The following NUMA1 variants were observed in gnomAD, a reference collection of about 807,000 sequenced individuals.
NUMA1 encodes the protein nuclear mitotic apparatus protein 1.
Under a neutral mutation model 237.1 loss-of-function variants are expected in NUMA1, and 62 were observed. The observed-to-expected ratio is 0.26, with a 90% CI of 0.21 to 0.32. The LOEUF is 0.32. Among genes scored for constraint, NUMA1 ranks in the 10% least tolerant of loss-of-function variants. NUMA1 has a pLI of 1.00. For synonymous variants in NUMA1, 1,028 were observed against 1,066.1 expected, an observed-to-expected ratio of 0.96 and a Z score of 0.70; for missense variants, 2,533 against 2,666.5, an observed-to-expected ratio of 0.95 and a Z score of 1.10.
At chr11:72,026,778 T>G (rs975643212) in intron 4 of NUMA1, among the ~76,000 whole-genome samples, 2 of 152,336 alleles carry the variant, frequency 1.3e-5, no homozygotes, top group East Asian at 1.9e-4. Flanking sequence ...TGCTGAGAAC[T>G]AGGCTGCTGA....
chr11:72,022,467 T>A, intron 6 of NUMA1, 48 bp from the exon 7 acceptor site: 1 of 1,332,690 alleles, frequency 7.5e-7, no homozygotes, highest in Non-Finnish European at 1.1e-6. Context: ...GTCTCTCTTC[T>A]CAGTGCCCCC....
Position 72,021,288 on chromosome 11 carries a change from C to T in NUMA1, c.376G>A (p.Glu126Lys), listed in dbSNP as rs1474903534. The T allele has an allele frequency of 2.5e-6, 4 of 1,614,008 alleles. No homozygotes were observed. Among genetic ancestry groups the T allele is most frequent in the Non-Finnish European group, 8.5e-7 (1 of 1,179,982 alleles). ...WEQFEYKIQA[E>K]LAVILKFVLD... is the part of the protein sequence containing the mutation. ...ACAAATTTAAGAATGACAGCCAACT[C>T]AGCCTGGGCCACAGGGAGAAAAAGA... is the stretch of plus-strand genomic sequence containing the variant. The change falls in exon 8 of 27, where the codon GAG becomes AAG. Residue 126 changes from glutamate (E) to lysine (K), a missense_variant. By Grantham distance (56) the Glu-to-Lys change is moderately conservative. Coordinates refer to ENST00000393695, the MANE Select transcript of NUMA1 (RefSeq NM_006185.4).
chr11:72,019,768 C>G, intron 8 of NUMA1, 151 bp from the exon 9 acceptor site: 1 of 817,810 alleles, frequency 1.2e-6, no homozygotes, highest in East Asian at 3.2e-5. Flanking sequence ...TGGGCAGAAC[C>G]TGAAACCTGG....
chr11:72,022,362 C>T lies in NUMA1; in HGVS notation c.349G>A (p.Glu117Lys). ...ACCTGAATTTTATATTCAAACTGTT[C>T]CCAGTCCCTGGGACTTTTGGAGCTC... ...TMSSKSPRDWEQFEYKIQAEL... is the reference protein window; with the variant it reads ...TMSSKSPRDWKQFEYKIQAEL... Residue 117 changes from glutamate to lysine, a missense_variant, in exon 7 of 27, where the codon GAA becomes AAA. Physicochemically the swap from Glu to Lys is moderately conservative, Grantham distance 56. Around this residue, in one of 3 missense-constraint regions of NUMA1, gnomAD observed 1,414 missense variants for 1,508.1 expected, o/e 0.94. Coordinates refer to ENST00000393695, the MANE Select transcript of NUMA1 (RefSeq NM_006185.4). The T allele has an allele frequency of 3.1e-6, 5 of 1,613,612 alleles. No individual in the cohort carries two copies. Among genetic ancestry groups the T allele is most frequent in the Non-Finnish European group, 4.2e-6 (5 of 1,179,724 alleles).
At chr11:72,055,977 C>T (rs1942615210) in intron 2 of NUMA1, among the ~76,000 whole-genome samples, 1 of 146,458 alleles carries the variant, frequency 6.8e-6, no homozygotes, top group Non-Finnish European at 1.5e-5. Flanking sequence ...CACACACACA[C>T]ACACACACAC....
chr11:72,055,124 A>G (rs537245397), intron 2 of NUMA1, among the ~76,000 whole-genome samples: 1 of 152,298 alleles, frequency 6.6e-6, no homozygotes, highest in African/African-American at 2.4e-5. Context: ...GGTGATAAAG[A>G]GAATAGATTT....
At chr11:72,074,132 T>C (rs1237124809) in intron 1 of NUMA1, among the ~76,000 whole-genome samples, 1 of 151,250 alleles carries the variant, frequency 6.6e-6, no homozygotes, top group Non-Finnish European at 1.5e-5. Flanking sequence ...AGGCAGAGGT[T>C]GCAGTGAGCC....
At chr11:72,006,982 G>C (rs1197318960) in intron 21 of NUMA1, among the ~76,000 whole-genome samples, 1 of 152,232 alleles carries the variant, frequency 6.6e-6, no homozygotes, top group Non-Finnish European at 1.5e-5. Context: ...CCTTAGTCAG[G>C]AGGCAGGGAT....
Position 72,005,360 on chromosome 11 carries a change from C to G in NUMA1, c.5702G>C (p.Ser1901Thr), listed in dbSNP as rs140479977. 6 of 1,605,304 alleles carry G rather than the reference C, an allele frequency of 3.7e-6. No individual in the cohort carries two copies. The highest frequency in any genetic ancestry group is 5.1e-6 in the Non-Finnish European group (6 of 1,176,330). The change falls in exon 23 of 27, where the codon AGC becomes ACC. Residue 1901 changes from serine to threonine, a missense_variant. Coordinates refer to ENST00000393695, the MANE Select transcript of NUMA1 (RefSeq NM_006185.4). ...ATCCTGGCAAGTGCCCATGTAGAAG[C>G]TGTTCCTTCCTGTGGAAGGCAGGGA... ...VSSGAPPGRN[S>T]FYMGTCQDEP...
Position 72,005,310 on chromosome 11 carries a change from T to G in NUMA1, c.5752A>C (p.Asn1918His). The G allele has an allele frequency of 6.2e-7, 1 of 1,608,358 alleles. No homozygotes were observed. Among genetic ancestry groups the G allele is most frequent in the Non-Finnish European group, 8.5e-7 (1 of 1,177,414 alleles). Residue 1918 changes from asparagine to histidine, a missense_variant, in exon 23 of 27, where the codon AAC becomes CAC. Coordinates refer to ENST00000393695, the MANE Select transcript of NUMA1 (RefSeq NM_006185.4). ...QDEPEQLDDW[N>H]RIAELQQRNR... ...CGCTGCTGCAGCTCTGCAATGCGGT[T>G]CCAGTCATCCAGCTGCTCAGGCTCA...
intron 1 of NUMA1, among the ~76,000 whole-genome samples, chr11:72,078,528 A>G (rs1471159109): frequency 1.3e-5 from 2 of 152,256 alleles, no homozygotes; most frequent in Non-Finnish European, 2.9e-5. Context: ...CTAGAATTCA[A>G]GTCTTATTTC....
rs902961047 is a variant in NUMA1, at chr11:72,014,455, G to T, written c.3048C>A (p.Ala1016=). 2 of 1,604,726 alleles carry T rather than the reference G, an allele frequency of 1.2e-6. No homozygotes were observed. Residue 1016 remains alanine (A), a synonymous_variant, in exon 15 of 27, where the codon GCC becomes GCA. Transcript: ENST00000393695. The surrounding 1 kb of genome is among the most constrained non-coding windows in gnomAD (Gnocchi z 4.6). The stretch of plus-strand genomic sequence containing the variant: ...CCTTCTCCAGGGCAAGGTCAGCCTG[G>T]GCACGGCCCCGCTCCTGGGTCAGCC... The part of the protein sequence containing the change: ...VARLTQERGR[A]QADLALEKAA...
chr11:72,004,085 C>T lies in NUMA1; in HGVS notation c.6138G>A (p.Gln2046=). 6.2e-7 allele frequency: 1 copy of T among 1,613,098 alleles called. No homozygotes were observed. The highest frequency in any genetic ancestry group is 8.5e-7 in the Non-Finnish European group (1 of 1,179,688). Reference sequence around the variant, plus strand: ...TGTTGAGGATGCTGAAGGCCATCGACTGGCGCCGGTCAGCCTGCAAGGAAG... The same window carrying T: ...TGTTGAGGATGCTGAAGGCCATCGATTGGCGCCGGTCAGCCTGCAAGGAAG... ...PASTKQADRR[Q]SMAFSILNTP... Residue 2046 remains glutamine (Q), a synonymous_variant, in exon 26 of 27, where the codon CAG becomes CAA. Coordinates refer to ENST00000393695, the MANE Select transcript of NUMA1 (RefSeq NM_006185.4).
intron 2 of NUMA1, among the ~76,000 whole-genome samples, chr11:72,039,250 G>A (rs1220933372): frequency 1.3e-5 from 2 of 152,240 alleles, no homozygotes; most frequent in African/African-American, 2.4e-5. Context: ...GGACCAGAGG[G>A]TCAAGTTGCT....
chr11:72,056,635 TAAAAAAAAA>T lies in NUMA1; in HGVS notation c.-33+13198_-33+13206del, dbSNP rs59248999. ...GCGCCTGACCAAGATCCCATCTCTT[TAAAAAAAAA>T]AAAAAAAAAAAAAAAAGGCAAGCCA... is the stretch of plus-strand genomic sequence containing the variant. On this transcript the variant is annotated intron_variant, in intron 2 of 26. Transcript: ENST00000393695. Among the ~76,000 whole-genome samples the T allele has an allele frequency of 1.7e-3, 133 of 76,002 alleles. 1 individual carries two copies. The highest frequency in any genetic ancestry group is 2.7e-3 in the Admixed American group (19 of 7,160). 49.9% of individuals were successfully genotyped at this position (76,002 alleles called of 152,430 possible).
At position 72,013,859 on chromosome 11, in the gene NUMA1, C is replaced by T. The variant is rs1288743558; in HGVS notation, c.3644G>A (p.Arg1215Gln). 6 of 1,613,552 alleles carry T rather than the reference C, an allele frequency of 3.7e-6. No individual in the cohort carries two copies. The African/African-American group carries it at 5.3e-5, about 14-fold the overall frequency. ...TTTCCTCTCAGCCTCTTGCCGGCCCCGGGCCACCTGGGCCTTCCACTCATC... is the reference window on the plus strand; with the variant it reads ...TTTCCTCTCAGCCTCTTGCCGGCCCTGGGCCACCTGGGCCTTCCACTCATC... ...AEDEWKAQVA[R>Q]GRQEAERKNS... Residue 1215 changes from arginine (R) to glutamine (Q), a missense_variant, in exon 15 of 27, where the codon CGG becomes CAG. This residue lies in a region of NUMA1 where 1,414 missense variants were observed against 1,508.1 expected (regional missense o/e 0.94). Coordinates refer to ENST00000393695, the MANE Select transcript of NUMA1 (RefSeq NM_006185.4). The surrounding 1 kb of genome is among the most constrained non-coding windows in gnomAD (Gnocchi z 6.8).
chr11:72,037,113 C>T (rs938619642), intron 2 of NUMA1, among the ~76,000 whole-genome samples: 3 of 152,170 alleles, frequency 2.0e-5, no homozygotes, highest in South Asian at 2.1e-4. Context: ...GAAAGAGATA[C>T]GAAAATCTGA....
intron 3 of NUMA1, 87 bp downstream of exon 3, chr11:72,035,815 T>A: frequency 1.7e-6 from 2 of 1,204,814 alleles, no homozygotes; most frequent in Non-Finnish European, 2.5e-6. Context: ...AGACTTTACA[T>A]AGCCCTGGCT....
chr11:72,021,315 C>T (rs1383146419), intron 7 of NUMA1, 24 bp from the exon 8 acceptor site: 4 of 1,608,026 alleles, frequency 2.5e-6, no homozygotes, highest in Non-Finnish European at 3.4e-6. Flanking sequence ...AGAAAAAGAG[C>T]ATCACTTAGG....
Sources: allele counts gnomAD v4.1 joint callset (sites outside exome capture counted in the v4.1 genomes callset), GRCh38; gene constraint gnomAD v4.1.1; regional missense constraint gnomAD v4.1.1; non-coding constraint Gnocchi (gnomAD v3.1); transcripts MANE v1.5; gene names NCBI Gene and HGNC (gene_info 2026-07-23, HGNC 2026-07-21).